The following NCMAP variants were observed in gnomAD, a reference collection of about 807,000 sequenced individuals.
NCMAP encodes the protein noncompact myelin-associated protein.
A neutral mutation model predicts 7.8 loss-of-function variants in NCMAP; 8 were observed. The observed-to-expected ratio is 1.02, with a 90% CI of 0.60 to 1.84. The LOEUF is 1.84. Among genes scored for constraint, NCMAP ranks in the 40% most tolerant of loss-of-function variants. The probability of loss-of-function intolerance (pLI) is 0.00; values close to 1 mark genes in which losing one functional copy is unlikely to be tolerated. For missense variants in NCMAP, 112 were observed against 131.4 expected, an observed-to-expected ratio of 0.85 and a Z score of 0.72; for synonymous variants, 41 against 52.9, an observed-to-expected ratio of 0.78 and a Z score of 0.98.
chr1:24,598,730 C>T (rs1234986017), intron 2 of NCMAP, among the ~76,000 whole-genome samples: 4 of 151,516 alleles, frequency 2.6e-5, no homozygotes, highest in African/African-American at 4.8e-5. Context: ...CTCCACTTCC[C>T]GGGCTCAAGC....
At chr1:24,593,756 G>T (rs1652122817) in intron 1 of NCMAP, among the ~76,000 whole-genome samples, 1 of 152,004 alleles carries the variant, frequency 6.6e-6, no homozygotes, top group Non-Finnish European at 1.5e-5. Context: ...CCCTTCGTGG[G>T]CTTCCAAATT....
At chr1:24,559,440 G>GT (rs1430208180) in intron 1 of NCMAP, among the ~76,000 whole-genome samples, 1 of 152,262 alleles carries the variant, frequency 6.6e-6, no homozygotes, top group Non-Finnish European at 1.5e-5. Context: ...AGAGCCAGCA[G>GT]TGAGTCCTGA....
chr1:24,602,367 G>A (rs1397622780), intron 3 of NCMAP, among the ~76,000 whole-genome samples: 1 of 149,016 alleles, frequency 6.7e-6, no homozygotes, highest in East Asian at 1.9e-4. Flanking sequence ...CGGATCACGA[G>A]GTCAGGAGAT....
At chr1:24,567,243 T>C (rs1470452454) in intron 1 of NCMAP, among the ~76,000 whole-genome samples, 1 of 152,120 alleles carries the variant, frequency 6.6e-6, no homozygotes, top group Non-Finnish European at 1.5e-5. Flanking sequence ...AGGATGGCTA[T>C]AAGTAAGGCA....
chr1:24,582,999 G>A (rs923290362), intron 1 of NCMAP, among the ~76,000 whole-genome samples: 6 of 152,156 alleles, frequency 3.9e-5, no homozygotes, highest in African/African-American at 1.2e-4. Context: ...TTTGGTCATC[G>A]CCATCGTCGT....
rs550065216 is a variant in NCMAP at position 24,582,107 on chromosome 1, C to T, written c.-7-13317C>T. Among the ~76,000 whole-genome samples, 5 of 152,278 alleles carry T rather than the reference C, an allele frequency of 3.3e-5. No individual in the cohort carries two copies. The South Asian group carries it at 8.3e-4, about 25-fold the overall frequency. On this transcript the variant is annotated intron_variant, in intron 1 of 3. Transcript: ENST00000374392. ...GCGGCTCCAGGACTCTTTCTCTGTC[C>T]GTCTCTCACAGCCCTTCTCATGCGC...
chr1:24,595,226 T>A (rs1652180763), intron 1 of NCMAP, among the ~76,000 whole-genome samples, 198 bp from the exon 2 acceptor site: 1 of 152,194 alleles, frequency 6.6e-6, no homozygotes, highest in Admixed American at 6.5e-5. Context: ...AAAAACAAAG[T>A]TCCTTACAAA....
At chr1:24,569,693 A>G (rs987893054) in intron 1 of NCMAP, among the ~76,000 whole-genome samples, 2 of 150,548 alleles carry the variant, frequency 1.3e-5, no homozygotes, top group Non-Finnish European at 2.9e-5. Context: ...AAATAATGAT[A>G]CCCACCTCCT....
chr1:24,564,553 A>C (rs1447047232), intron 1 of NCMAP, among the ~76,000 whole-genome samples: 1 of 145,134 alleles, frequency 6.9e-6, no homozygotes, highest in African/African-American at 2.5e-5. Context: ...CCTGAGAGAG[A>C]TGGAGAGTAT....
At chr1:24,560,748 A>G (rs1651026141) in intron 1 of NCMAP, among the ~76,000 whole-genome samples, 1 of 133,128 alleles carries the variant, frequency 7.5e-6, no homozygotes, top group East Asian at 2.0e-4. Flanking sequence ...TATCTCATAG[A>G]AAAAAAAAAA....
intron 1 of NCMAP, among the ~76,000 whole-genome samples, 199 bp from the exon 2 acceptor site, chr1:24,595,225 G>C (rs894402532): frequency 6.6e-6 from 1 of 152,128 alleles, no homozygotes; most frequent in Non-Finnish European, 1.5e-5. Context: ...GAAAAACAAA[G>C]TTCCTTACAA....
intron 1 of NCMAP, among the ~76,000 whole-genome samples, chr1:24,571,777 G>A (rs533765386): frequency 3.3e-5 from 5 of 150,162 alleles, no homozygotes; most frequent in South Asian, 4.2e-4. Context: ...GTAGAGACAC[G>A]GCTTCACCAT....
At position 24,560,711 on chromosome 1, in the gene NCMAP, T is replaced by C. The variant is rs548104403; in HGVS notation, c.-8+4542T>C. Among the ~76,000 whole-genome samples the C allele has an allele frequency of 5.9e-4, 90 of 151,734 alleles. 1 individual carries two copies. Among genetic ancestry groups the C allele is most frequent in the African/African-American group, 2.2e-3 (89 of 41,362 alleles). ...GTGAGCTGTGATGGCACCACTGCAC[T>C]CCAGCCTGGGTGACAGAGCAAGACC... On this transcript the variant is annotated intron_variant, in intron 1 of 3. Transcript: ENST00000374392.
At chr1:24,570,847 G>T (rs1651369524) in intron 1 of NCMAP, among the ~76,000 whole-genome samples, 1 of 151,012 alleles carries the variant, frequency 6.6e-6, no homozygotes, top group African/African-American at 2.5e-5. Flanking sequence ...TATGATTAAT[G>T]AATATTTCCT....
chr1:24,596,994 G>A (rs959327993), intron 2 of NCMAP, among the ~76,000 whole-genome samples: 1 of 152,142 alleles, frequency 6.6e-6, no homozygotes, highest in African/African-American at 2.4e-5. Flanking sequence ...TGTGGTTCTG[G>A]CAGGTGGCTG....
At chr1:24,559,770 G>A (rs1650995196) in intron 1 of NCMAP, among the ~76,000 whole-genome samples, 1 of 152,206 alleles carries the variant, frequency 6.6e-6, no homozygotes, top group Non-Finnish European at 1.5e-5. Context: ...GAGATGAGCA[G>A]GGCGTTAAGC....
chr1:24,592,699 A>G (rs1652082421), intron 1 of NCMAP, among the ~76,000 whole-genome samples: 1 of 152,076 alleles, frequency 6.6e-6, no homozygotes, highest in South Asian at 2.1e-4. Flanking sequence ...CAGGTGGATC[A>G]TGAGGTCAGG....
At chr1:24,575,915 C>CAAAA (rs10549961) in intron 1 of NCMAP, among the ~76,000 whole-genome samples, 1 of 79,564 alleles carries the variant, frequency 1.3e-5, no homozygotes, top group Non-Finnish European at 2.6e-5. Flanking sequence ...ATTGCACTCT[C>CAAAA]AAAAAAAAAA....
intron 2 of NCMAP, among the ~76,000 whole-genome samples, chr1:24,600,403 C>T (rs555264577): frequency 1.3e-5 from 2 of 152,150 alleles, no homozygotes; most frequent in Non-Finnish European, 2.9e-5. Flanking sequence ...ATCCTCCCAC[C>T]CCATCCTCTC....
Sources: allele counts gnomAD v4.1 joint callset (sites outside exome capture counted in the v4.1 genomes callset), GRCh38; gene constraint gnomAD v4.1.1; transcripts MANE v1.5; gene names NCBI Gene and HGNC (gene_info 2026-07-23, HGNC 2026-07-21).